The following ZC3H18 variants were observed in gnomAD, a reference collection of about 807,000 sequenced individuals.
ZC3H18 encodes zinc finger CCCH domain-containing protein 18.
ZC3H18 carries 8 observed loss-of-function variants against 106.1 expected under a neutral mutation model. The observed-to-expected ratio is 0.08, with a 90% CI of 0.04 to 0.14. The LOEUF (loss-of-function observed/expected upper bound fraction) is 0.14. Ranked by LOEUF, ZC3H18 falls within the 10% of genes least tolerant of loss-of-function variation. ZC3H18 has a pLI of 1.00. For synonymous variants in ZC3H18, 635 were observed against 522.1 expected, an observed-to-expected ratio of 1.22 and a Z score of -2.95; for missense variants, 1,318 against 1,278.4, an observed-to-expected ratio of 1.03 and a Z score of -0.47.
chr16:88,572,293 C>T (rs1458947247), intron 1 of ZC3H18, among the ~76,000 whole-genome samples: 15 of 152,184 alleles, frequency 9.9e-5, no homozygotes, highest in Admixed American at 9.8e-4. Flanking sequence ...GGAGGTAGCA[C>T]CTGCTCTTTA....
intron 17 of ZC3H18, 136 bp from the exon 18 acceptor site, chr16:88,630,965 C>G (rs1597365121): frequency 2.7e-6 from 3 of 1,100,168 alleles, no homozygotes; most frequent in Non-Finnish European, 3.9e-6. Context: ...GCAGTGGGAG[C>G]CTGGCCATCC....
chr16:88,624,872 G>T, intron 12 of ZC3H18, 127 bp downstream of exon 12: 1 of 1,357,782 alleles, frequency 7.4e-7, no homozygotes, highest in Non-Finnish European at 9.8e-7. Flanking sequence ...CCCTAGCCGA[G>T]CAGCACCCAG....
At chr16:88,593,145 A>T (rs997088802) in intron 3 of ZC3H18, among the ~76,000 whole-genome samples, 1 of 152,214 alleles carries the variant, frequency 6.6e-6, no homozygotes, top group Non-Finnish European at 1.5e-5. Flanking sequence ...CCATCTGATG[A>T]CGTGGGATGA....
chr16:88,577,874 C>T, intron 2 of ZC3H18, 148 bp downstream of exon 2: 3 of 1,448,318 alleles, frequency 2.1e-6, no homozygotes, highest in Non-Finnish European at 2.8e-6. Context: ...GTTTTGGGTT[C>T]AGTCCCATAG....
At chr16:88,625,443 G>T (rs1906243651) in intron 13 of ZC3H18, 176 bp downstream of exon 13, 2 of 720,414 alleles carry the variant, frequency 2.8e-6, no homozygotes, top group East Asian at 2.8e-5. Context: ...GAGAAAATGG[G>T]CCAGGACTCG....
At chr16:88,576,585 G>A (rs1224150501) in intron 1 of ZC3H18, among the ~76,000 whole-genome samples, 1 of 152,236 alleles carries the variant, frequency 6.6e-6, no homozygotes, top group East Asian at 1.9e-4. Flanking sequence ...GCTGGCCTTC[G>A]AGAAGTGTGT....
chr16:88,577,039 C>G (rs1914794662), intron 1 of ZC3H18, 71 bp from the exon 2 acceptor site: 1 of 1,473,006 alleles, frequency 6.8e-7, no homozygotes, highest in Admixed American at 2.4e-5. Flanking sequence ...CTGCTTCAGG[C>G]CAGGAAAGTA....
At chr16:88,624,507 G>A in intron 11 of ZC3H18, 95 bp from the exon 12 acceptor site, 1 of 1,582,810 alleles carries the variant, frequency 6.3e-7, no homozygotes. Flanking sequence ...GGCATGCAGT[G>A]TCGTTCCCCG....
intron 2 of ZC3H18, among the ~76,000 whole-genome samples, chr16:88,581,501 T>G (rs547619010): frequency 6.6e-6 from 1 of 152,306 alleles, no homozygotes; most frequent in South Asian, 2.1e-4. Flanking sequence ...GAACACCCCC[T>G]GATGCAAGTA....
chr16:88,599,980 C>T, intron 6 of ZC3H18, 32 bp downstream of exon 6: 1 of 1,610,444 alleles, frequency 6.2e-7, no homozygotes, highest in South Asian at 1.1e-5. Flanking sequence ...CCCTCCGTTT[C>T]CTTCCTGCAT....
At chr16:88,618,383 C>T (rs1481709938) in intron 8 of ZC3H18, among the ~76,000 whole-genome samples, 1 of 152,222 alleles carries the variant, frequency 6.6e-6, no homozygotes, top group Non-Finnish European at 1.5e-5. Context: ...GCAGGCTCAG[C>T]CCGGGGAGGC....
intron 13 of ZC3H18, chr16:88,625,688 T>G (rs72809488): frequency 0.059 from 11,777 of 199,246 alleles, 436 homozygotes; most frequent in South Asian, 0.079. Flanking sequence ...TAAAAACATC[T>G]GAGAAGAGAA....
chr16:88,587,923 G>A (rs1043051208), intron 3 of ZC3H18, among the ~76,000 whole-genome samples: 3 of 152,194 alleles, frequency 2.0e-5, no homozygotes, highest in Non-Finnish European at 2.9e-5. Flanking sequence ...GGGAACCCCG[G>A]GTTAGGCTCG....
chr16:88,572,455 T>C (rs912953584), intron 1 of ZC3H18, among the ~76,000 whole-genome samples: 4 of 151,860 alleles, frequency 2.6e-5, no homozygotes, highest in Admixed American at 6.6e-5. Flanking sequence ...ATTAACGAGT[T>C]TTTTGTCATG....
chr16:88,581,624 A>T (rs1242330575), intron 2 of ZC3H18, among the ~76,000 whole-genome samples: 2 of 152,190 alleles, frequency 1.3e-5, no homozygotes, highest in Non-Finnish European at 2.9e-5. Context: ...GGCGTCCCTG[A>T]CACCAGCTGA....
intron 8 of ZC3H18, among the ~76,000 whole-genome samples, chr16:88,621,969 G>A (rs1261214282): frequency 6.6e-6 from 1 of 152,126 alleles, no homozygotes; most frequent in Admixed American, 6.5e-5. Flanking sequence ...AGAAATCTGG[G>A]TGTTCCCCTG....
At chr16:88,599,021 GA>G (rs1330524239) in intron 5 of ZC3H18, among the ~76,000 whole-genome samples, 1 of 152,208 alleles carries the variant, frequency 6.6e-6, no homozygotes, top group Non-Finnish European at 1.5e-5. Context: ...ACCAGGCCCG[GA>G]AGGATGGAGA....
intron 13 of ZC3H18, chr16:88,625,499 CGGG>C (rs1178479149): frequency 3.6e-6 from 2 of 563,110 alleles, no homozygotes; most frequent in African/African-American, 3.8e-5. Flanking sequence ...TTCACAAACT[CGGG>C]GGCACTCAGG....
chr16:88,588,177 A>G (rs556576567), intron 3 of ZC3H18, among the ~76,000 whole-genome samples: 10 of 152,250 alleles, frequency 6.6e-5, no homozygotes, highest in Non-Finnish European at 1.0e-4. Flanking sequence ...TCTTTTCCAT[A>G]ATAGTGTGGG....
Sources: gnomAD v4.1 joint callset for allele counts (sites outside exome capture counted in the v4.1 genomes callset) on GRCh38, gnomAD v4.1.1 for gene constraint, MANE v1.5 for transcripts, NCBI Gene and HGNC (gene_info 2026-07-23, HGNC 2026-07-21) for gene names.